Variants in KIF9 observed in about 807,000 individuals in gnomAD.
KIF9 encodes the protein kinesin family member 9, also known as kinesin-like protein KIF9.
Under a neutral mutation model 94.8 loss-of-function variants are expected in KIF9, and 68 were observed. The ratio of observed to expected loss-of-function variants is 0.72; its 90% CI spans 0.59 to 0.88. The LOEUF (loss-of-function observed/expected upper bound fraction) is 0.88. Among genes scored for constraint, KIF9 ranks in the 40% least tolerant of loss-of-function variants. The probability of loss-of-function intolerance (pLI) is 0.00; values close to 1 mark genes in which losing one functional copy is unlikely to be tolerated. For missense variants in KIF9, 882 were observed against 982.5 expected (o/e 0.90, Z 1.37); for synonymous variants, 343 against 362.1 (o/e 0.95, Z 0.60).
intron 10 of KIF9, chr3:47,250,442 CAAGTGCTTTAAA>C (rs1365004971): frequency 8.7e-6 from 2 of 230,362 alleles, no homozygotes; most frequent in East Asian, 2.1e-4. Context: ...TCAGGTATTC[CAAGTGCTTTAAA>C]AAGCACTTGG....
At chr3:47,246,594 T>C (rs1699940709) in intron 12 of KIF9, 1 of 156,932 alleles carries the variant, frequency 6.4e-6, no homozygotes, top group Admixed American at 6.5e-5. Context: ...CAGCTTTCTC[T>C]TACTTCCAAA....
chr3:47,259,858 G>A (rs1256020965), intron 9 of KIF9, among the ~76,000 whole-genome samples: 1 of 69,394 alleles, frequency 1.4e-5, no homozygotes, highest in African/African-American at 6.0e-5. Context: ...GCCTAGGAAA[G>A]CCAGGTATTG....
At chr3:47,249,688 C>T (rs1326049643) in intron 10 of KIF9, among the ~76,000 whole-genome samples, 1 of 152,126 alleles carries the variant, frequency 6.6e-6, no homozygotes, top group African/African-American at 2.4e-5. Flanking sequence ...TAAGTATTTC[C>T]AAGACTCATT....
At position 47,275,311 on chromosome 3, in the gene KIF9, A is replaced by G. The variant is rs761058983; in HGVS notation, c.259+14T>C. On this transcript the variant is annotated intron_variant, in intron 3 of 20. Transcript: ENST00000684063. Reference sequence around the variant, plus strand: ...AGGTTCTTACATAAGACAACATTTAATTAATTAAGTTACCATTATAGCCAT... The same window carrying G: ...AGGTTCTTACATAAGACAACATTTAGTTAATTAAGTTACCATTATAGCCAT... The G allele has an allele frequency of 5.1e-6, 8 of 1,580,434 alleles. No individual in the cohort carries two copies. In the African/African-American group the frequency reaches 8.2e-5, roughly 16 times the overall value.
At chr3:47,248,248 G>A (rs997874805) in intron 10 of KIF9, 162 bp from the exon 11 acceptor site, 15 of 627,732 alleles carry the variant, frequency 2.4e-5, no homozygotes, top group South Asian at 3.7e-5. Flanking sequence ...ATTCCCTCCC[G>A]ACTGGTGACT....
At chr3:47,274,118 G>T (rs1409869626) in intron 3 of KIF9, among the ~76,000 whole-genome samples, 3 of 152,338 alleles carry the variant, frequency 2.0e-5, no homozygotes, top group African/African-American at 7.2e-5. Flanking sequence ...TCTCCAGGAA[G>T]AGATGGAGTG....
At chr3:47,264,129 C>A (rs1393272242) in intron 9 of KIF9, 157 bp downstream of exon 9, 6 of 633,328 alleles carry the variant, frequency 9.5e-6, no homozygotes, top group Non-Finnish European at 1.8e-5. Flanking sequence ...TAGCTCTGGG[C>A]CCCCTCAGCA....
chr3:47,241,861 T>TACAC (rs748922593), intron 16 of KIF9, among the ~76,000 whole-genome samples: 38,211 of 119,906 alleles, frequency 0.32, 6,244 homozygotes, highest in Non-Finnish European at 0.36. Context: ...TATATATATA[T>TACAC]ACACATATAT....
intron 9 of KIF9, chr3:47,264,056 G>A: frequency 1.8e-6 from 1 of 565,394 alleles, no homozygotes; most frequent in South Asian, 1.7e-5. Flanking sequence ...AGTCTCCCAT[G>A]CTGAGCCTGC....
At chr3:47,237,967 A>C (rs556035562) in intron 17 of KIF9, among the ~76,000 whole-genome samples, 1 of 152,360 alleles carries the variant, frequency 6.6e-6, no homozygotes, top group African/African-American at 2.4e-5. Flanking sequence ...GAGGCTTTAC[A>C]GTACTCTATG....
intron 17 of KIF9, among the ~76,000 whole-genome samples, chr3:47,236,921 T>C (rs930027442): frequency 3.9e-5 from 6 of 152,220 alleles, no homozygotes; most frequent in Admixed American, 3.3e-4. Context: ...AAAACTCTAG[T>C]AGCCAAAGAT....
chr3:47,241,914 T>C (rs1480040584), intron 16 of KIF9, among the ~76,000 whole-genome samples: 1 of 143,392 alleles, frequency 7.0e-6, no homozygotes, highest in African/African-American at 2.6e-5. Context: ...GGAGACAGCA[T>C]GCTCTGTTGC....
intron 9 of KIF9, 149 bp from the exon 10 acceptor site, chr3:47,257,709 G>T: frequency 3.1e-6 from 2 of 646,058 alleles, no homozygotes; most frequent in Non-Finnish European, 5.4e-6. Context: ...AGAGGACATT[G>T]GTCAAAAGAG....
At chr3:47,275,721 C>T (rs946645629) in intron 2 of KIF9, among the ~76,000 whole-genome samples, 3 of 152,200 alleles carry the variant, frequency 2.0e-5, no homozygotes, top group Admixed American at 1.3e-4. Context: ...CTAGTTTTAG[C>T]ACCTCTAACC....
chr3:47,228,844 C>G lies in KIF9; in HGVS notation c.2323-142G>C. 6 of 696,270 alleles carry G rather than the reference C, an allele frequency of 8.6e-6. No individual in the cohort carries two copies. The South Asian group carries it at 9.9e-5, about 11-fold the overall frequency. 43.1% of individuals were successfully genotyped at this position (696,270 alleles called of 1,614,324 possible). On this transcript the variant is annotated intron_variant, in intron 20 of 20. Transcript: ENST00000684063. Reference sequence around the variant, plus strand: ...GGACAAGGATTCCTTCTGAGTAGCCCCAATTCTCTGAGAAATAACATCCAT... The same window carrying G: ...GGACAAGGATTCCTTCTGAGTAGCCGCAATTCTCTGAGAAATAACATCCAT...
chr3:47,247,664 A>G (rs1700013130), intron 11 of KIF9, among the ~76,000 whole-genome samples, 187 bp from the exon 12 acceptor site: 2 of 152,176 alleles, frequency 1.3e-5, no homozygotes, highest in Admixed American at 1.3e-4. Flanking sequence ...TGCTTGGGTC[A>G]GAGAGGGATA....
intron 17 of KIF9, 102 bp downstream of exon 17, chr3:47,240,699 G>GC: frequency 2.1e-6 from 2 of 953,038 alleles, no homozygotes; most frequent in Admixed American, 3.8e-5. Context: ...ACCCCCACTG[G>GC]CCCCCTCCCA....
At chr3:47,260,625 G>A (rs1032947781) in intron 9 of KIF9, among the ~76,000 whole-genome samples, 4 of 152,156 alleles carry the variant, frequency 2.6e-5, no homozygotes, top group African/African-American at 9.7e-5. Flanking sequence ...TAAGGTAGAC[G>A]TATCATCAAC....
At chr3:47,280,804 T>A (rs1038361091) in intron 1 of KIF9, 4 of 658,674 alleles carry the variant, frequency 6.1e-6, no homozygotes. Context: ...CCCAAGGCCC[T>A]CCCATGCTGA....
Sources: gnomAD v4.1 joint callset for allele counts (sites outside exome capture counted in the v4.1 genomes callset) on GRCh38, gnomAD v4.1.1 for gene constraint, MANE v1.5 for transcripts, NCBI Gene and HGNC (gene_info 2026-07-23, HGNC 2026-07-21) for gene names.